The following TBC1D16 variants were observed in gnomAD, a reference collection of about 807,000 sequenced individuals.
TBC1D16 encodes CTD-2529O21.1.
TBC1D16 carries 58 observed loss-of-function variants against 74.7 expected under a neutral mutation model. The observed-to-expected ratio is 0.78, with a 90% CI of 0.63 to 0.97. The LOEUF is 0.97. Ranked by LOEUF, TBC1D16 falls within the 50% of genes least tolerant of loss-of-function variation. The probability of loss-of-function intolerance (pLI) is 0.00; values close to 1 mark genes in which losing one functional copy is unlikely to be tolerated. For synonymous variants in TBC1D16, 493 were observed against 474.7 expected, an observed-to-expected ratio of 1.04 and a Z score of -0.50; for missense variants, 1,014 against 1,079.5, an observed-to-expected ratio of 0.94 and a Z score of 0.85.
At chr17:80,028,330 T>C (rs745507968) in intron 1 of TBC1D16, among the ~76,000 whole-genome samples, 1 of 151,770 alleles carries the variant, frequency 6.6e-6, no homozygotes, top group Non-Finnish European at 1.5e-5. Flanking sequence ...CGGGAGTTCA[T>C]GACCAGCCTG....
chr17:79,942,077 C>A lies in TBC1D16; in HGVS notation c.2038G>T (p.Glu680Ter). The A allele has an allele frequency of 1.2e-6, 2 of 1,612,098 alleles. No individual in the cohort carries two copies. The highest frequency in any genetic ancestry group is 1.7e-6 in the Non-Finnish European group (2 of 1,179,718). The change falls in exon 11 of 12, where the codon GAG becomes TAG. Residue 680 changes from glutamate (E) to a stop codon, truncating the protein, a stop_gained. Coordinates refer to ENST00000310924, the MANE Select transcript of TBC1D16 (RefSeq NM_019020.4). LOFTEE classifies it high-confidence loss of function. ...AGCCTCACCTTCCGGAGAACGAGCT[C>A]CCCGTTCATGTGCATGGCCAGGTTT... Reference protein sequence around the residue: ...FGNLAMHMNGELVLRKARSLL... With the variant: ...FGNLAMHMNG
intron 3 of TBC1D16, among the ~76,000 whole-genome samples, chr17:79,976,733 C>A (rs541133157): frequency 2.6e-5 from 4 of 152,186 alleles, no homozygotes; most frequent in Non-Finnish European, 5.9e-5. Context: ...TTAAGTCCCC[C>A]GAGGCAGGAG....
chr17:79,950,532 G>C lies in TBC1D16; in HGVS notation c.1136C>G (p.Pro379Arg). 6.2e-7 allele frequency: 1 copy of C among 1,613,354 alleles called. No homozygotes were observed. Among genetic ancestry groups the C allele is most frequent in the African/African-American group, 1.3e-5 (1 of 75,052 alleles). The part of the protein sequence containing the change: ...KTCMQFSIRR[P>R]KLPSSETHPE... Reference sequence around the variant, plus strand: ...GTGCGTCTCGGAGGACGGCAGCTTGGGGCGGCGGATGGAGAACTGCATGCA... The same window carrying C: ...GTGCGTCTCGGAGGACGGCAGCTTGCGGCGGCGGATGGAGAACTGCATGCA... The change falls in exon 6 of 12, where the codon CCC (proline) becomes CGC (arginine). Residue 379 changes from proline to arginine, a missense_variant. By Grantham distance (103) the Pro-to-Arg change is moderately radical (BLOSUM62 -2). Transcript: ENST00000310924. The surrounding 1 kb of genome is among the most constrained non-coding windows in gnomAD (Gnocchi z 4.6).
intron 1 of TBC1D16, among the ~76,000 whole-genome samples, chr17:80,014,913 T>G (rs899626653): frequency 6.6e-6 from 1 of 152,120 alleles, no homozygotes; most frequent in Non-Finnish European, 1.5e-5. Context: ...ACCTGGGACG[T>G]ATGAAATGTA....
chr17:79,993,089 G>A lies in TBC1D16; in HGVS notation c.779+17071C>T, dbSNP rs936365974. On this transcript the variant is annotated intron_variant, in intron 3 of 11. Coordinates refer to ENST00000310924, the MANE Select transcript of TBC1D16 (RefSeq NM_019020.4). This position sits in a 1 kb window ranked among gnomAD's most constrained non-coding sequence, Gnocchi z 5.1. ...TACTTCTCATGACAGTCTATGGGGT[G>A]GGGAGCACTAGCGCCAGCCCCATTG... Among the ~76,000 whole-genome samples, 3 of 152,178 alleles carry A rather than the reference G, an allele frequency of 2.0e-5. No individual in the cohort carries two copies. The highest frequency in any genetic ancestry group is 2.9e-5 in the Non-Finnish European group (2 of 68,026).
intron 5 of TBC1D16, 53 bp downstream of exon 5, chr17:79,951,397 G>T (rs539154340): frequency 9.3e-4 from 1,478 of 1,584,296 alleles, no homozygotes; most frequent in Non-Finnish European, 1.2e-3. Flanking sequence ...TGGGGCCCGT[G>T]GGGGGTGGGG....
chr17:80,014,908 G>A (rs1439946513), intron 1 of TBC1D16, among the ~76,000 whole-genome samples: 2 of 152,168 alleles, frequency 1.3e-5, no homozygotes, highest in African/African-American at 2.4e-5. Context: ...AGACGACCTG[G>A]GACGTATGAA....
At chr17:80,027,692 G>T (rs545405274) in intron 1 of TBC1D16, among the ~76,000 whole-genome samples, 14 of 151,636 alleles carry the variant, frequency 9.2e-5, no homozygotes, top group Admixed American at 2.6e-4. Context: ...AGGAGTTTGA[G>T]ACCAGCCTGG....
chr17:80,021,392 C>T lies in TBC1D16; in HGVS notation c.-62-7783G>A, dbSNP rs560790567. On this transcript the variant is annotated intron_variant, in intron 1 of 11. Transcript: ENST00000310924. Reference sequence around the variant, plus strand: ...GGTGGATCACTTGAGCCCAGGACGTCGAGGCTGCATTGAGCCATGATTGCA... The same window carrying T: ...GGTGGATCACTTGAGCCCAGGACGTTGAGGCTGCATTGAGCCATGATTGCA... Among the ~76,000 whole-genome samples, 356 of 149,706 alleles carry T rather than the reference C, an allele frequency of 2.4e-3. 9 individuals are homozygous for T. Among genetic ancestry groups the T allele is most frequent in the Non-Finnish European group, 3.5e-3 (237 of 67,994 alleles).
Position 80,035,854 on chromosome 17 carries a change from C to G in TBC1D16, c.-122G>C, listed in dbSNP as rs1212896986. ...CTCCGAGAGCCGCCACCGTCGCCTC[C>G]GCCGCTGCCGCCGCCAGTGAGGCGC... On this transcript the variant is annotated 5_prime_UTR_variant, in exon 1 of 12. Coordinates refer to ENST00000310924, the MANE Select transcript of TBC1D16 (RefSeq NM_019020.4). The surrounding 1 kb of genome is among the most constrained non-coding windows in gnomAD (Gnocchi z 5.3). The G allele has an allele frequency of 1.4e-5, 2 of 146,588 alleles. No homozygotes were observed. The highest frequency in any genetic ancestry group is 1.5e-5 in the Non-Finnish European group (1 of 65,862). The allele number at this position is 146,588 out of a possible 1,614,324, so 9.1% of individuals were successfully genotyped here. A position where few individuals can be genotyped will look rare whatever the true frequency, so the allele number is the denominator to read the frequency against.
intron 3 of TBC1D16, among the ~76,000 whole-genome samples, chr17:79,998,291 G>A (rs12950758): frequency 7.3e-5 from 11 of 151,482 alleles, no homozygotes; most frequent in Admixed American, 5.9e-4. Context: ...GAATGTCCTA[G>A]AGCTGGAATC....
chr17:80,020,181 T>C (rs2036237703), intron 1 of TBC1D16, among the ~76,000 whole-genome samples: 1 of 149,832 alleles, frequency 6.7e-6, no homozygotes, highest in Admixed American at 6.6e-5. Context: ...GATCTTAGAC[T>C]TCCTGCCTCC....
At position 79,977,741 on chromosome 17, in the gene TBC1D16, C is replaced by A. The variant is rs534632708; in HGVS notation, c.780-24923G>T. On this transcript the variant is annotated intron_variant, in intron 3 of 11. Coordinates refer to ENST00000310924, the MANE Select transcript of TBC1D16 (RefSeq NM_019020.4). ...GCATCACACACACATGTGCACACGGCGGTACTGGACTCATCCAGCCGAGAG... is the reference window on the plus strand; with the variant it reads ...GCATCACACACACATGTGCACACGGAGGTACTGGACTCATCCAGCCGAGAG... Among the ~76,000 whole-genome samples the A allele has an allele frequency of 2.0e-5, 3 of 152,378 alleles. No homozygotes were observed. The East Asian group carries it at 5.8e-4, about 29-fold the overall frequency.
At chr17:79,964,142 A>G (rs1297478750) in intron 3 of TBC1D16, among the ~76,000 whole-genome samples, 3 of 151,788 alleles carry the variant, frequency 2.0e-5, no homozygotes, top group Non-Finnish European at 2.9e-5. Context: ...CGCCCAGCTA[A>G]TTTTTGTATT....
At position 80,010,244 on chromosome 17, in the gene TBC1D16, G is replaced by A. The variant is rs746594410; in HGVS notation, c.695C>T (p.Thr232Ile). ...RDSSFDSDSD[T>I]FSSPFCLSPI... Reference sequence around the variant, plus strand: ...CGAGAGGCAGAAGGGCGAGGAGAAGGTGTCTGAGTCTGAGTCAAAGGAGCT... The same window carrying A: ...CGAGAGGCAGAAGGGCGAGGAGAAGATGTCTGAGTCTGAGTCAAAGGAGCT... Residue 232 changes from threonine (T) to isoleucine (I), a missense_variant, in exon 3 of 12, where the codon ACC becomes ATC. By Grantham distance (89) the Thr-to-Ile change is moderately conservative. Transcript: ENST00000310924. The surrounding 1 kb of genome is among the most constrained non-coding windows in gnomAD (Gnocchi z 8.8). 1 of 1,613,480 alleles carries A rather than the reference G, an allele frequency of 6.2e-7. No individual in the cohort carries two copies. The highest frequency in any genetic ancestry group is 8.5e-7 in the Non-Finnish European group (1 of 1,179,840).
chr17:80,013,462 G>C lies in TBC1D16; in HGVS notation c.86C>G (p.Ser29Cys), dbSNP rs143632322. The change falls in exon 2 of 12, where the codon TCC becomes TGC. Residue 29 changes from serine (S) to cysteine (C), a missense_variant. Transcript: ENST00000310924. ...GATCTCTCCATCCAGGACAGAGGGGGACCCGCTGCCGCTGCCACCGGGGGT... is the reference window on the plus strand; with the variant it reads ...GATCTCTCCATCCAGGACAGAGGGGCACCCGCTGCCGCTGCCACCGGGGGT... Reference protein sequence around the residue: ...TLTPGGSGSGSPSVLDGEIIY... With the variant: ...TLTPGGSGSGCPSVLDGEIIY... The C allele has an allele frequency of 1.0e-4, 163 of 1,599,592 alleles. No individual in the cohort carries two copies. The highest frequency in any genetic ancestry group is 1.3e-4 in the Non-Finnish European group (158 of 1,173,822).
rs1267551297 is a variant in TBC1D16, at chr17:80,035,176, A to G, written c.-63+619T>C. Among the ~76,000 whole-genome samples the G allele has an allele frequency of 1.3e-5, 2 of 152,056 alleles. No homozygotes were observed. Among genetic ancestry groups the G allele is most frequent in the African/African-American group, 4.8e-5 (2 of 41,416 alleles). Reference sequence around the variant, plus strand: ...CGGCAGGATCCCCTAGGTTATGTTTAGCAATCTTCAGTTGCCTTTCCTTTT... The same window carrying G: ...CGGCAGGATCCCCTAGGTTATGTTTGGCAATCTTCAGTTGCCTTTCCTTTT... On this transcript the variant is annotated intron_variant, in intron 1 of 11. Transcript: ENST00000310924. The surrounding 1 kb of genome is among the most constrained non-coding windows in gnomAD (Gnocchi z 5.3).
rs534914108 is a variant in TBC1D16, at chr17:79,981,909, G to A, written c.779+28251C>T. On this transcript the variant is annotated intron_variant, in intron 3 of 11. Transcript: ENST00000310924. The surrounding 1 kb of genome is among the most constrained non-coding windows in gnomAD (Gnocchi z 6.9). ...GCGGCCCTCCGGGGCTTCCCTGTGC[G>A]CACACACACACGCACACACACACAC... Among the ~76,000 whole-genome samples, 47 of 152,218 alleles carry A rather than the reference G, an allele frequency of 3.1e-4. No homozygotes were observed. The highest frequency in any genetic ancestry group is 9.6e-4 in the African/African-American group (40 of 41,548).
At position 79,954,672 on chromosome 17, in the gene TBC1D16, A is replaced by C. The variant is rs181120568; in HGVS notation, c.780-1854T>G. ...GGTCTCGAGTCTGAGGCCCCACCGC[A>C]CCCATGGGTGCCCCCTTCTGTCATC... On this transcript the variant is annotated intron_variant, in intron 3 of 11. Coordinates refer to ENST00000310924, the MANE Select transcript of TBC1D16 (RefSeq NM_019020.4). This position sits in a 1 kb window ranked among gnomAD's most constrained non-coding sequence, Gnocchi z 5.5. Among the ~76,000 whole-genome samples the C allele has an allele frequency of 9.7e-3, 1,475 of 152,194 alleles. 12 individuals carry two copies. Among genetic ancestry groups the C allele is most frequent in the Non-Finnish European group, 0.015 (1,020 of 67,990 alleles).
Sources: gnomAD v4.1 joint callset for allele counts (sites outside exome capture counted in the v4.1 genomes callset) on GRCh38, gnomAD v4.1.1 for gene constraint, Gnocchi (gnomAD v3.1) non-coding constraint, MANE v1.5 for transcripts, NCBI Gene and HGNC (gene_info 2026-07-23, HGNC 2026-07-21) for gene names.